SLC12A6: variants seen among roughly 807,000 people sequenced by gnomAD.
The protein encoded by SLC12A6 is K-Cl cotransporter 3.
A neutral mutation model predicts 135.3 loss-of-function variants in SLC12A6; 66 were observed. The observed-to-expected ratio is 0.49, with a 90% CI of 0.40 to 0.60. The LOEUF (loss-of-function observed/expected upper bound fraction) is 0.60. Ranked by LOEUF, SLC12A6 falls within the 20% of genes least tolerant of loss-of-function variation. The probability of loss-of-function intolerance (pLI) is 0.00; values close to 1 mark genes in which losing one functional copy is unlikely to be tolerated. For synonymous variants in SLC12A6, 513 were observed against 508.8 expected, an observed-to-expected ratio of 1.01 and a Z score of -0.11; for missense variants, 1,058 against 1,452.3, an observed-to-expected ratio of 0.73 and a Z score of 4.41.
At chr15:34,304,838 AG>A (rs1260705037) in intron 2 of SLC12A6, among the ~76,000 whole-genome samples, 1 of 152,156 alleles carries the variant, frequency 6.6e-6, no homozygotes, top group Non-Finnish European at 1.5e-5. Context: ...ACATTCCCAA[AG>A]AGTCTGTCAT....
intron 3 of SLC12A6, among the ~76,000 whole-genome samples, chr15:34,272,497 C>G (rs1429185316): frequency 6.6e-6 from 1 of 152,172 alleles, no homozygotes. Context: ...TATGATCTGA[C>G]TCCATGAATC....
intron 2 of SLC12A6, chr15:34,318,850 G>A (rs925654420): frequency 2.7e-6 from 4 of 1,472,562 alleles, no homozygotes; most frequent in Non-Finnish European, 3.6e-6. Flanking sequence ...CCCTGAGGGA[G>A]TGGGGCGCTT....
intron 2 of SLC12A6, among the ~76,000 whole-genome samples, chr15:34,310,565 G>GTA (rs1160312439): frequency 8.9e-6 from 1 of 112,822 alleles, no homozygotes; most frequent in African/African-American, 4.5e-5. Context: ...GTGTGTGTGT[G>GTA]TGTGTATGTG....
chr15:34,249,121 A>T (rs1892209383), intron 13 of SLC12A6, among the ~76,000 whole-genome samples: 1 of 152,196 alleles, frequency 6.6e-6, no homozygotes, highest in Non-Finnish European at 1.5e-5. Flanking sequence ...TTCTGGTGGC[A>T]GTGTGGAAGA....
intron 25 of SLC12A6, among the ~76,000 whole-genome samples, chr15:34,234,368 T>G (rs1354182729): frequency 6.6e-6 from 1 of 152,118 alleles, no homozygotes; most frequent in Non-Finnish European, 1.5e-5. Context: ...TTTAAACCTT[T>G]TTCTTTTCTT....
intron 15 of SLC12A6, among the ~76,000 whole-genome samples, chr15:34,244,966 G>T (rs1235946652): frequency 6.6e-6 from 1 of 152,114 alleles, no homozygotes; most frequent in Non-Finnish European, 1.5e-5. Flanking sequence ...ATTACACAGT[G>T]CCAGGTAAGT....
intron 21 of SLC12A6, 59 bp from the exon 22 acceptor site, chr15:34,237,609 C>T: frequency 7.0e-7 from 1 of 1,421,652 alleles, no homozygotes; most frequent in East Asian, 2.3e-5. Flanking sequence ...AAGGTTATTT[C>T]CTAAGACATT....
At chr15:34,328,617 A>G (rs1889631031) in intron 2 of SLC12A6, among the ~76,000 whole-genome samples, 1 of 152,144 alleles carries the variant, frequency 6.6e-6, no homozygotes, top group Admixed American at 6.5e-5. Context: ...GGTGGGTCAC[A>G]CCTGTAATCC....
intron 14 of SLC12A6, 50 bp downstream of exon 14, chr15:34,245,631 ACCACACTGTTTC>A (rs1362494977): frequency 7.9e-6 from 11 of 1,390,926 alleles, no homozygotes; most frequent in Non-Finnish European, 1.1e-5. Context: ...GCCCATGAAG[ACCACACTGTTTC>A]TCATTAAAGC....
At chr15:34,264,085 G>A (rs970866296) in intron 3 of SLC12A6, among the ~76,000 whole-genome samples, 2 of 151,618 alleles carry the variant, frequency 1.3e-5, no homozygotes, top group Admixed American at 1.3e-4. Flanking sequence ...ATAATTAAAA[G>A]AAAATTTCTT....
At chr15:34,293,947 C>A (rs942279383) in intron 2 of SLC12A6, among the ~76,000 whole-genome samples, 2 of 152,110 alleles carry the variant, frequency 1.3e-5, no homozygotes, top group Non-Finnish European at 2.9e-5. Flanking sequence ...TAGAGAATCA[C>A]ACACACACAA....
At chr15:34,266,008 CTTTT>C (rs34173980) in intron 3 of SLC12A6, among the ~76,000 whole-genome samples, 6 of 102,318 alleles carry the variant, frequency 5.9e-5, no homozygotes, top group Admixed American at 3.2e-4. Context: ...ATACAGAAAG[CTTTT>C]TTTTTTTTTT....
intron 2 of SLC12A6, among the ~76,000 whole-genome samples, chr15:34,275,614 A>G (rs185376878): frequency 6.6e-6 from 1 of 152,330 alleles, no homozygotes; most frequent in Non-Finnish European, 1.5e-5. Flanking sequence ...ACTCCTAATT[A>G]TACTTCCAAA....
Position 34,238,238 on chromosome 15 carries a change from C to T in SLC12A6, c.2796G>A (p.Gln932=). The part of the protein sequence containing the change: ...MLMLLPFLLK[Q]HKVWRKCSIR... ...AAAAAGTTGTATAAAATACCTTGTG[C>T]TGTTTCAGTAGGAATGGTAGTAGCA... The change falls in exon 21 of 26, where the codon CAG becomes CAA. Residue 932 remains glutamine, a synonymous_variant. Coordinates refer to ENST00000354181, the MANE Select transcript of SLC12A6 (RefSeq NM_001365088.1). 1.2e-6 allele frequency: 2 copies of T among 1,610,920 alleles called. No individual in the cohort carries two copies. Among genetic ancestry groups the T allele is most frequent in the African/African-American group, 1.3e-5 (1 of 74,992 alleles).
At chr15:34,254,236 G>T in intron 9 of SLC12A6, 112 bp downstream of exon 9, 2 of 1,151,080 alleles carry the variant, frequency 1.7e-6, no homozygotes, top group Non-Finnish European at 2.6e-6. Context: ...GCTTATCTGA[G>T]AGGGAAAATC....
chr15:34,318,907 G>T lies in SLC12A6; in HGVS notation c.271+17503C>A, dbSNP rs114815919. 6.8e-4 allele frequency: 725 copies of T among 1,058,500 alleles called. 3 individuals carry two copies. In the African/African-American group the frequency reaches 0.011, roughly 16 times the overall value. The allele number at this position is 1,058,500 out of a possible 1,614,324, so 65.6% of individuals were successfully genotyped here. A position where few individuals can be genotyped will look rare whatever the true frequency, so the allele number is the denominator to read the frequency against. Reference sequence around the variant, plus strand: ...TTTATCATTCACTTAAAAGGATTAAGCACTCCACCCTTGCTTATTGTTATT... The same window carrying T: ...TTTATCATTCACTTAAAAGGATTAATCACTCCACCCTTGCTTATTGTTATT... On this transcript the variant is annotated intron_variant, in intron 2 of 25. Transcript: ENST00000354181.
At chr15:34,240,556 C>G (rs1891571131) in intron 19 of SLC12A6, 105 bp downstream of exon 19, 3 of 1,020,036 alleles carry the variant, frequency 2.9e-6, no homozygotes, top group East Asian at 4.8e-5. Flanking sequence ...TGAGAAACCT[C>G]CTAGATCACT....
At chr15:34,305,159 AG>A (rs1225348720) in intron 2 of SLC12A6, among the ~76,000 whole-genome samples, 2 of 152,182 alleles carry the variant, frequency 1.3e-5, no homozygotes, top group African/African-American at 4.8e-5. Flanking sequence ...GAAGCCTCCA[AG>A]GTGAATCCTT....
intron 2 of SLC12A6, among the ~76,000 whole-genome samples, chr15:34,291,623 C>G (rs1332142864): frequency 6.6e-6 from 1 of 152,166 alleles, no homozygotes; most frequent in African/African-American, 2.4e-5. Context: ...GTACACCAAT[C>G]AAACGTAGAT....
Sources: allele counts gnomAD v4.1 joint callset (sites outside exome capture counted in the v4.1 genomes callset), GRCh38; gene constraint gnomAD v4.1.1; transcripts MANE v1.5; gene names NCBI Gene and HGNC (gene_info 2026-07-23, HGNC 2026-07-21).